The following OR51B5 variants were observed in gnomAD, a reference collection of about 807,000 sequenced individuals.
OR51B5 encodes olfactory receptor family 51 subfamily B member 5, also known as olfactory receptor 51B5.
For synonymous variants in OR51B5, 186 were observed against 144.8 expected, an observed-to-expected ratio of 1.28 and a Z score of -2.04; for missense variants, 456 against 374.6, an observed-to-expected ratio of 1.22 and a Z score of -1.79.
chr11:5,409,752 A>AAT lies in OR51B5; in HGVS notation n.85-62843_85-62842insAT, dbSNP rs1850115263. On this transcript the variant is annotated intron_variant and non_coding_transcript_variant, in intron 1 of 4. Transcript: ENST00000415970. Reference sequence around the variant, plus strand: ...AGGTACAGAAGCACTATTTCAAGAGATAATGGTTGAGAATTCCCCTAAACT... The same window carrying AAT: ...AGGTACAGAAGCACTATTTCAAGAGAATTAATGGTTGAGAATTCCCCTAAACT... 2.0e-5 allele frequency among the ~76,000 whole-genome samples: 3 copies of AAT among 152,298 alleles called. No homozygotes were observed. In the South Asian group the frequency reaches 6.2e-4, roughly 32 times the overall value.
At chr11:5,444,319 G>A (rs977974968) in intron 1 of OR51B5, among the ~76,000 whole-genome samples, 5 of 152,204 alleles carry the variant, frequency 3.3e-5, no homozygotes, top group Admixed American at 6.5e-5. Flanking sequence ...CATTCAAATC[G>A]TAGGCTTTTA....
chr11:5,371,977 T>C (rs1849454766), intron 1 of OR51B5, among the ~76,000 whole-genome samples: 1 of 152,194 alleles, frequency 6.6e-6, no homozygotes, highest in Non-Finnish European at 1.5e-5. Context: ...AGATTCCACA[T>C]ATAAGTAATA....
chr11:5,498,584 A>G (rs900469482), intron 1 of OR51B5, among the ~76,000 whole-genome samples: 1 of 152,228 alleles, frequency 6.6e-6, no homozygotes, highest in Non-Finnish European at 1.5e-5. Flanking sequence ...TCAAAACGAT[A>G]TTAGTTTCAG....
intron 1 of OR51B5, among the ~76,000 whole-genome samples, chr11:5,456,792 G>A (rs1412053737): frequency 6.6e-6 from 1 of 152,084 alleles, no homozygotes; most frequent in African/African-American, 2.4e-5. Flanking sequence ...CTTGGTGGGA[G>A]GTGACTGGAT....
intron 1 of OR51B5, among the ~76,000 whole-genome samples, chr11:5,386,033 C>A (rs755243173): frequency 2.0e-5 from 3 of 151,454 alleles, no homozygotes; most frequent in Non-Finnish European, 2.9e-5. Flanking sequence ...ACAGGTACTA[C>A]GTGAGAACAG....
At chr11:5,433,239 T>C (rs760149116) in intron 1 of OR51B5, among the ~76,000 whole-genome samples, 4 of 152,120 alleles carry the variant, frequency 2.6e-5, no homozygotes, top group African/African-American at 4.8e-5. Flanking sequence ...TCAGTGGCCA[T>C]GAGATCAGAG....
intron 1 of OR51B5, among the ~76,000 whole-genome samples, chr11:5,490,563 A>C (rs200019463): frequency 1.3e-5 from 2 of 152,182 alleles, no homozygotes; most frequent in South Asian, 2.1e-4. Context: ...ATAATGCTTT[A>C]GTAATCTCAG....
chr11:5,503,685 T>C (rs894553504), intron 1 of OR51B5, among the ~76,000 whole-genome samples: 2 of 152,100 alleles, frequency 1.3e-5, no homozygotes, highest in African/African-American at 4.8e-5. Context: ...TAGTATTAGA[T>C]AAAATAAAAA....
At chr11:5,493,683 T>G (rs1321462337) in intron 1 of OR51B5, among the ~76,000 whole-genome samples, 1 of 152,198 alleles carries the variant, frequency 6.6e-6, no homozygotes, top group Admixed American at 6.5e-5. Flanking sequence ...AGAGGAGCCC[T>G]AGGGTAAAGT....
At position 5,464,331 on chromosome 11, in the gene OR51B5, A is replaced by C. The variant is rs545424587; in HGVS notation, n.84+41238T>G. Among the ~76,000 whole-genome samples, 186 of 152,312 alleles carry C rather than the reference A, an allele frequency of 1.2e-3. 1 individual carries two copies. The highest frequency in any genetic ancestry group is 2.1e-3 in the Non-Finnish European group (141 of 68,022). On this transcript the variant is annotated intron_variant and non_coding_transcript_variant, in intron 1 of 4. Coordinates refer to the OR51B5 transcript ENST00000415970. ...ACTTTAAGTTTTAGGGTACATGTGC[A>C]CGTTGTGCAGGTTAGTTACATATGT...
chr11:5,454,257 G>A (rs1423116198), intron 1 of OR51B5: 1 of 1,614,108 alleles, frequency 6.2e-7, no homozygotes, highest in Admixed American at 1.7e-5. Context: ...GCCAATGATT[G>A]GGGTCTCCAC....
intron 1 of OR51B5, among the ~76,000 whole-genome samples, chr11:5,399,590 G>A (rs1454037184): frequency 1.3e-5 from 2 of 152,024 alleles, no homozygotes; most frequent in Non-Finnish European, 2.9e-5. Context: ...GATTTGTTGT[G>A]TCCTATTATA....
chr11:5,363,210 G>C (rs770068410), intron 1 of OR51B5, among the ~76,000 whole-genome samples: 11 of 149,560 alleles, frequency 7.4e-5, no homozygotes, highest in Admixed American at 1.3e-4. Flanking sequence ...AGGATCTCAA[G>C]TGTTTCCCCA....
intron 1 of OR51B5, among the ~76,000 whole-genome samples, chr11:5,373,658 T>C (rs994798016): frequency 2.0e-5 from 3 of 152,256 alleles, no homozygotes; most frequent in East Asian, 1.9e-4. Context: ...GCTTAGGAAA[T>C]GGCGCACCAG....
chr11:5,402,616 C>A (rs905886620), intron 1 of OR51B5: 1 of 470,880 alleles, frequency 2.1e-6, no homozygotes, highest in African/African-American at 2.0e-5. Context: ...TCTAATAACT[C>A]TTTGGGGTTT....
chr11:5,441,927 C>T (rs933450710), intron 1 of OR51B5, among the ~76,000 whole-genome samples: 1 of 152,180 alleles, frequency 6.6e-6, no homozygotes, highest in Admixed American at 6.5e-5. Flanking sequence ...TCAGACTTCA[C>T]CCCAGCCTCC....
intron 1 of OR51B5, among the ~76,000 whole-genome samples, chr11:5,444,946 T>C (rs1850739837): frequency 6.6e-6 from 1 of 152,164 alleles, no homozygotes; most frequent in Non-Finnish European, 1.5e-5. Context: ...TAAATAGCCA[T>C]AGCTCTCCTG....
upstream of OR51B5, chr11:5,343,568 C>G (rs772725935): frequency 3.0e-6 from 2 of 674,714 alleles, no homozygotes; most frequent in Admixed American, 2.6e-5. Context: ...TCTGTTATTA[C>G]CACAGTGCAC....
At chr11:5,463,550 T>A (rs777090368) in intron 1 of OR51B5, among the ~76,000 whole-genome samples, 1 of 152,234 alleles carries the variant, frequency 6.6e-6, no homozygotes, top group African/African-American at 2.4e-5. Flanking sequence ...TTTTACTCAA[T>A]CCCAGTTTTA....
Sources: allele counts gnomAD v4.1 joint callset (sites outside exome capture counted in the v4.1 genomes callset), GRCh38; gene constraint gnomAD v4.1.1; transcripts MANE v1.5; gene names NCBI Gene and HGNC (gene_info 2026-07-23, HGNC 2026-07-21).